The following LRRC8C variants were observed in gnomAD, a reference collection of about 807,000 sequenced individuals.
LRRC8C encodes volume-regulated anion channel subunit LRRC8C.
A neutral mutation model predicts 55.3 loss-of-function variants in LRRC8C; 20 were observed. The observed-to-expected ratio is 0.36, with a 90% confidence interval of 0.25 to 0.53. The LOEUF is 0.53. Among genes scored for constraint, LRRC8C ranks in the 20% least tolerant of loss-of-function variants. The pLI, the probability that LRRC8C is intolerant of heterozygous loss-of-function variation, is 0.92. For synonymous variants in LRRC8C, 376 were observed against 360.7 expected, an observed-to-expected ratio of 1.04 and a Z score of -0.48; for missense variants, 659 against 951.4, an observed-to-expected ratio of 0.69 and a Z score of 4.04.
intron 1 of LRRC8C, 93 bp from the exon 2 acceptor site, chr1:89,686,377 C>T (rs762677149): frequency 1.1e-5 from 15 of 1,322,024 alleles, no homozygotes; most frequent in Middle Eastern, 1.8e-4. Context: ...TAATTCAGAC[C>T]TCTGCTGTGA....
intron 2 of LRRC8C, among the ~76,000 whole-genome samples, chr1:89,699,979 C>T (rs1658274347): frequency 1.3e-5 from 2 of 152,148 alleles, no homozygotes; most frequent in South Asian, 2.1e-4. Context: ...CAATCTCATG[C>T]GTTTGGACAA....
At chr1:89,671,809 A>G (rs1657423518) in intron 1 of LRRC8C, among the ~76,000 whole-genome samples, 1 of 152,256 alleles carries the variant, frequency 6.6e-6, no homozygotes, top group Non-Finnish European at 1.5e-5. Context: ...TCCATTTAAC[A>G]GCCACATGCA....
At chr1:89,663,002 G>C (rs928906176) in intron 1 of LRRC8C, among the ~76,000 whole-genome samples, 5 of 152,086 alleles carry the variant, frequency 3.3e-5, no homozygotes, top group Admixed American at 1.3e-4. Context: ...GTCCCAGTGT[G>C]TGATGTTCCC....
At position 89,713,650 on chromosome 1, in the gene LRRC8C, T is replaced by C; in HGVS notation, c.1080T>C (p.Ile360=). ...SFEYVRQETG[I]DDIPDVKNDF... Reference sequence around the variant, plus strand: ...AGTATGTCCGTCAGGAGACTGGAATTGATGATATTCCAGATGTGAAAAATG... The same window carrying C: ...AGTATGTCCGTCAGGAGACTGGAATCGATGATATTCCAGATGTGAAAAATG... Residue 360 remains isoleucine, a synonymous_variant, in exon 3 of 3, where the codon ATT becomes ATC. Transcript: ENST00000370454. This position sits in a 1 kb window ranked among gnomAD's most constrained non-coding sequence, Gnocchi z 5.2. 6.2e-7 allele frequency: 1 copy of C among 1,613,874 alleles called. No individual in the cohort carries two copies. The highest frequency in any genetic ancestry group is 8.5e-7 in the Non-Finnish European group (1 of 1,179,726).
At chr1:89,659,055 T>TGTG (rs1553164920) in intron 1 of LRRC8C, among the ~76,000 whole-genome samples, 1 of 110,936 alleles carries the variant, frequency 9.0e-6, no homozygotes, top group African/African-American at 3.3e-5. Flanking sequence ...CAGGTTTTTT[T>TGTG]TTTTTTTGTG....
rs12096469 is a variant in LRRC8C, at chr1:89,686,063, A to T, written c.-4-407A>T. 5.5e-3 allele frequency among the ~76,000 whole-genome samples: 834 copies of T among 152,234 alleles called. 11 individuals carry two copies. Among genetic ancestry groups the T allele is most frequent in the African/African-American group, 0.019 (790 of 41,534 alleles). ...AAAATGGTTTAAAGCAAAAAAAAAA[A>T]AAAAGCTTAAAGCAATAACCCAAGA... On this transcript the variant is annotated intron_variant, in intron 1 of 2. Coordinates refer to ENST00000370454, the MANE Select transcript of LRRC8C (RefSeq NM_032270.5).
At chr1:89,668,340 T>C (rs2101231004) in intron 1 of LRRC8C, 1 of 152,396 alleles carries the variant, frequency 6.6e-6, no homozygotes, top group South Asian at 2.1e-4. Flanking sequence ...ACAAAAGAGC[T>C]TCAGTGGCTC....
chr1:89,668,777 C>A (rs2101232244), intron 1 of LRRC8C, among the ~76,000 whole-genome samples: 1 of 152,268 alleles, frequency 6.6e-6, no homozygotes, highest in East Asian at 1.9e-4. Context: ...AAAGATAATA[C>A]CTACCTCGTG....
intron 1 of LRRC8C, among the ~76,000 whole-genome samples, chr1:89,680,077 C>CTT (rs534159163): frequency 3.4e-3 from 479 of 142,942 alleles, no homozygotes; most frequent in Middle Eastern, 0.029. Context: ...TACCAATATT[C>CTT]TTTTTTTTTT....
rs569407640 is a variant in LRRC8C, at chr1:89,676,027, ATGTACT to A, written c.-4-10440_-4-10435del. Among the ~76,000 whole-genome samples, 47 of 152,328 alleles carry A rather than the reference ATGTACT, an allele frequency of 3.1e-4. 1 individual carries two copies. In the East Asian group the frequency reaches 6.2e-3, roughly 20 times the overall value. ...TTTCAGTAAGGATTTCTGAATTTAAATGTACTTGAATTGTGCGGAATAGGCATTAAA... is the reference window on the plus strand; with the variant it reads ...TTTCAGTAAGGATTTCTGAATTTAAATGAATTGTGCGGAATAGGCATTAAA... On this transcript the variant is annotated intron_variant, in intron 1 of 2. Coordinates refer to ENST00000370454, the MANE Select transcript of LRRC8C (RefSeq NM_032270.5).
At chr1:89,630,557 G>C (rs370498468), upstream of LRRC8C, among the ~76,000 whole-genome samples, 1 of 152,178 alleles carries the variant, frequency 6.6e-6, no homozygotes, top group African/African-American at 2.4e-5. Context: ...AAAGTGAAAG[G>C]TCAAGACAGA....
intron 1 of LRRC8C, among the ~76,000 whole-genome samples, chr1:89,682,719 T>C (rs1054257696): frequency 2.6e-5 from 4 of 152,228 alleles, no homozygotes; most frequent in African/African-American, 7.2e-5. Context: ...GCTGTTCTTA[T>C]TGAGGCAGTA....
At chr1:89,644,602 C>T (rs1359298862) in intron 1 of LRRC8C, among the ~76,000 whole-genome samples, 1 of 152,210 alleles carries the variant, frequency 6.6e-6, no homozygotes, top group Non-Finnish European at 1.5e-5. Context: ...TCTACAGCTA[C>T]TAACTCTCAT....
intron 1 of LRRC8C, among the ~76,000 whole-genome samples, chr1:89,673,382 T>C (rs1169038253): frequency 6.6e-6 from 1 of 152,184 alleles, no homozygotes; most frequent in Non-Finnish European, 1.5e-5. Context: ...TTTAAAAAAA[T>C]ATATCTGCAA....
At chr1:89,637,540 A>T (rs1005317314) in intron 1 of LRRC8C, among the ~76,000 whole-genome samples, 1 of 152,012 alleles carries the variant, frequency 6.6e-6, no homozygotes, top group Admixed American at 6.6e-5. Context: ...ATAATACCTT[A>T]TGACTGAGGC....
chr1:89,627,366 A>G, the LRRC8C span, among the ~76,000 whole-genome samples: 4 of 113,240 alleles, frequency 3.5e-5, no homozygotes, highest in Admixed American at 1.1e-4. Context: ...AATTCTAAGA[A>G]TGAGACTCTC....
chr1:89,712,677 T>C (rs1278580146), intron 2 of LRRC8C, 32 bp from the exon 3 acceptor site: 1 of 1,505,976 alleles, frequency 6.6e-7, no homozygotes, highest in East Asian at 2.3e-5. Flanking sequence ...CTTTGAGTAA[T>C]ATAATTTGAA....
intron 2 of LRRC8C, 25 bp from the exon 3 acceptor site, chr1:89,712,684 T>G (rs750474840): frequency 1.3e-6 from 2 of 1,547,092 alleles, no homozygotes; most frequent in East Asian, 4.5e-5. Context: ...TAATATAATT[T>G]GAAAATATTA....
In LRRC8C at chr1:89,714,087, T is replaced by TC. The variant is rs762972819; in HGVS notation, c.1524dup (p.Trp509LeufsTer20). ...GTCAAGTTTGATGACATGAGGGAAC[T>TC]CCCCCCCTGGATGTATGGGCTCCGA... is the stretch of plus-strand genomic sequence containing the variant. On this transcript the variant is annotated frameshift_variant, in exon 3 of 3. Transcript: ENST00000370454. LOFTEE classifies it high-confidence loss of function. The surrounding 1 kb of genome is among the most constrained non-coding windows in gnomAD (Gnocchi z 4.6). 7.4e-6 allele frequency: 12 copies of TC among 1,613,542 alleles called. No individual in the cohort carries two copies. Among genetic ancestry groups the TC allele is most frequent in the South Asian group, 1.1e-5 (1 of 91,060 alleles).
Sources: gnomAD v4.1 joint callset for allele counts (sites outside exome capture counted in the v4.1 genomes callset) on GRCh38, gnomAD v4.1.1 for gene constraint, Gnocchi (gnomAD v3.1) non-coding constraint, MANE v1.5 for transcripts, NCBI Gene and HGNC (gene_info 2026-07-23, HGNC 2026-07-21) for gene names.